Variants in MNAT1 observed in about 807,000 individuals in gnomAD.
MNAT1 encodes MNAT1 component of CDK activating kinase.
A neutral mutation model predicts 42.0 loss-of-function variants in MNAT1; 43 were observed. The ratio of observed to expected loss-of-function variants is 1.02; its 90% confidence interval spans 0.80 to 1.32. The LOEUF is 1.32. MNAT1 is among the 40% of genes most tolerant of loss of function. MNAT1 has a pLI of 0.00. For synonymous variants in MNAT1, 118 were observed against 120.0 expected, an observed-to-expected ratio of 0.98 and a Z score of 0.11; for missense variants, 306 against 350.4, an observed-to-expected ratio of 0.87 and a Z score of 1.01.
chr14:60,778,763 T>A (rs1423696850), intron 1 of MNAT1, among the ~76,000 whole-genome samples: 1 of 152,168 alleles, frequency 6.6e-6, no homozygotes, highest in Non-Finnish European at 1.5e-5. Context: ...ACAACTGAGA[T>A]GCCAGATTGG....
intron 7 of MNAT1, among the ~76,000 whole-genome samples, chr14:60,927,874 A>G (rs1043394540): frequency 6.6e-6 from 1 of 152,188 alleles, no homozygotes; most frequent in Admixed American, 6.5e-5. Context: ...AAGTACCATA[A>G]CAGGTCAAGA....
chr14:60,784,924 C>G (rs1381442094), intron 1 of MNAT1, among the ~76,000 whole-genome samples: 1 of 152,000 alleles, frequency 6.6e-6, no homozygotes, highest in Admixed American at 6.6e-5. Context: ...GTGATCTCAG[C>G]TCACTGCAAC....
chr14:60,813,009 G>A (rs1016216815), intron 5 of MNAT1, among the ~76,000 whole-genome samples: 1 of 152,176 alleles, frequency 6.6e-6, no homozygotes, highest in African/African-American at 2.4e-5. Context: ...GCTGCCCTAG[G>A]TGACAAGGCC....
intron 7 of MNAT1, among the ~76,000 whole-genome samples, chr14:60,938,742 C>G (rs1220632872): frequency 1.3e-5 from 2 of 152,128 alleles, no homozygotes; most frequent in Admixed American, 6.5e-5. Context: ...TGATGCTGGC[C>G]TCATACAATG....
At chr14:60,818,689 A>C (rs1286814218) in intron 5 of MNAT1, 33 bp from the exon 6 acceptor site, 1 of 1,508,652 alleles carries the variant, frequency 6.6e-7, no homozygotes, top group Non-Finnish European at 8.9e-7. Context: ...TTCCCTTTTT[A>C]CATTTCTTAT....
chr14:60,823,176 G>T (rs1168728965), intron 6 of MNAT1, among the ~76,000 whole-genome samples: 1 of 152,136 alleles, frequency 6.6e-6, no homozygotes, highest in Non-Finnish European at 1.5e-5. Flanking sequence ...TGGCTTTAAG[G>T]TCAACAACCT....
chr14:60,882,625 T>G (rs2034576985), intron 7 of MNAT1, among the ~76,000 whole-genome samples: 1 of 152,176 alleles, frequency 6.6e-6, no homozygotes. Flanking sequence ...GATCATATAG[T>G]AGCTCTATTT....
At chr14:60,856,380 A>G (rs917760828) in intron 6 of MNAT1, among the ~76,000 whole-genome samples, 1 of 152,178 alleles carries the variant, frequency 6.6e-6, no homozygotes, top group African/African-American at 2.4e-5. Context: ...AACTCTCTTC[A>G]GTCCTATGAA....
At chr14:60,842,937 C>T (rs1490714334) in intron 6 of MNAT1, among the ~76,000 whole-genome samples, 1 of 152,164 alleles carries the variant, frequency 6.6e-6, no homozygotes, top group East Asian at 1.9e-4. Flanking sequence ...ATTCGAATTA[C>T]AGTTTCTACT....
intron 1 of MNAT1, among the ~76,000 whole-genome samples, chr14:60,793,020 C>A (rs987636619): frequency 1.3e-5 from 2 of 151,426 alleles, no homozygotes; most frequent in Non-Finnish European, 2.9e-5. Flanking sequence ...TCTTCTTCTT[C>A]TTCTTTTTTT....
chr14:60,788,613 C>A (rs2031725268), intron 1 of MNAT1, among the ~76,000 whole-genome samples: 1 of 152,196 alleles, frequency 6.6e-6, no homozygotes, highest in Non-Finnish European at 1.5e-5. Flanking sequence ...TAGCCACCTT[C>A]ATCATTATCT....
At chr14:60,904,342 G>A (rs758131033) in intron 7 of MNAT1, among the ~76,000 whole-genome samples, 1 of 151,778 alleles carries the variant, frequency 6.6e-6, no homozygotes, top group African/African-American at 2.4e-5. Flanking sequence ...TTTTTTTCTG[G>A]TTATGACAGC....
At chr14:60,887,354 G>A (rs1439352547) in intron 7 of MNAT1, among the ~76,000 whole-genome samples, 1 of 149,374 alleles carries the variant, frequency 6.7e-6, no homozygotes, top group Non-Finnish European at 1.5e-5. Context: ...TCGTCATTGA[G>A]CATTAGGTAT....
At chr14:60,841,430 A>C (rs909688890) in intron 6 of MNAT1, among the ~76,000 whole-genome samples, 37 of 152,290 alleles carry the variant, frequency 2.4e-4, no homozygotes, top group Admixed American at 7.8e-4. Flanking sequence ...GTGTGTTTTT[A>C]ACACATACAA....
At chr14:60,833,930 C>G (rs1161934957) in intron 6 of MNAT1, among the ~76,000 whole-genome samples, 3 of 152,090 alleles carry the variant, frequency 2.0e-5, no homozygotes, top group Non-Finnish European at 4.4e-5. Context: ...AGGAATTTAT[C>G]CATTTCTTGT....
intron 3 of MNAT1, among the ~76,000 whole-genome samples, chr14:60,800,252 T>TA (rs2032159581): frequency 1.3e-5 from 2 of 152,112 alleles, no homozygotes; most frequent in South Asian, 2.1e-4. Flanking sequence ...AGTCACTTCT[T>TA]AAAAAATGGA....
chr14:60,873,396 A>G (rs2034370665), intron 6 of MNAT1, among the ~76,000 whole-genome samples: 1 of 152,084 alleles, frequency 6.6e-6, no homozygotes, highest in Non-Finnish European at 1.5e-5. Flanking sequence ...AAATAGTGCA[A>G]CAAAGATAAA....
chr14:60,956,687 G>T (rs114916487), intron 7 of MNAT1, among the ~76,000 whole-genome samples: 1 of 151,992 alleles, frequency 6.6e-6, no homozygotes, highest in African/African-American at 2.4e-5. Flanking sequence ...CTCTGACTTC[G>T]GTTCACATAT....
At chr14:60,918,869 T>A (rs1365385079) in intron 7 of MNAT1, among the ~76,000 whole-genome samples, 1 of 151,836 alleles carries the variant, frequency 6.6e-6, no homozygotes, top group East Asian at 1.9e-4. Context: ...CTTAATGATG[T>A]AAATTTACTA....
Sources: gnomAD v4.1 joint callset for allele counts (sites outside exome capture counted in the v4.1 genomes callset) on GRCh38, gnomAD v4.1.1 for gene constraint, MANE v1.5 for transcripts, NCBI Gene and HGNC (gene_info 2026-07-23, HGNC 2026-07-21) for gene names.